The following GMEB1 variants were observed in gnomAD, a reference collection of about 807,000 sequenced individuals.
GMEB1 encodes the protein glucocorticoid modulatory element binding protein 1, also known as glucocorticoid modulatory element-binding protein 1.
GMEB1 carries 6 observed loss-of-function variants against 52.4 expected under a neutral mutation model. That is an observed-to-expected ratio of 0.11 (90% CI 0.06 to 0.23). GMEB1 has a LOEUF of 0.23. Ranked by LOEUF, GMEB1 falls within the 10% of genes least tolerant of loss-of-function variation. The pLI is 1.00. For missense variants in GMEB1, 486 were observed against 685.6 expected, an observed-to-expected ratio of 0.71 and a Z score of 3.25; for synonymous variants, 255 against 244.9, an observed-to-expected ratio of 1.04 and a Z score of -0.38.
chr1:28,678,656 T>A (rs1669261848), intron 1 of GMEB1, among the ~76,000 whole-genome samples: 1 of 152,088 alleles, frequency 6.6e-6, no homozygotes, highest in South Asian at 2.1e-4. Flanking sequence ...TCTTGCTTTG[T>A]CACCTAAGCT....
chr1:28,673,939 A>T (rs1301166010), intron 1 of GMEB1, among the ~76,000 whole-genome samples: 1 of 152,066 alleles, frequency 6.6e-6, no homozygotes, highest in East Asian at 1.9e-4. Flanking sequence ...CGAGGTCAGG[A>T]GTTCAAGACC....
At position 28,683,671 on chromosome 1, in the gene GMEB1, G is replaced by A; in HGVS notation, c.59G>A (p.Gly20Glu). The A allele has an allele frequency of 6.2e-7, 1 of 1,611,908 alleles. No homozygotes were observed. The change falls in exon 2 of 10, where the codon GGA becomes GAA. Residue 20 changes from glycine (G) to glutamate (E), a missense_variant. Gly to Glu is a moderately conservative substitution (Grantham distance 98). Around this residue, in one of 5 missense-constraint regions of GMEB1, gnomAD observed 88 missense variants for 96.5 expected, o/e 0.91. Transcript: ENST00000373816. Reference sequence around the variant, plus strand: ...GATGTGGTTGTGGTACCTACTGAAGGAAATGAAGGGGAGAATCCTGAAGAC... The same window carrying A: ...GATGTGGTTGTGGTACCTACTGAAGAAAATGAAGGGGAGAATCCTGAAGAC... ...VGDVVVVPTE[G>E]NEGENPEDTK...
At chr1:28,701,400 G>C (rs1670506366) in intron 6 of GMEB1, among the ~76,000 whole-genome samples, 1 of 150,792 alleles carries the variant, frequency 6.6e-6, no homozygotes, top group Non-Finnish European at 1.5e-5. Flanking sequence ...CTCCTGAGTA[G>C]CTGGGACTAC....
chr1:28,717,738 A>C lies in GMEB1; in HGVS notation c.*2965A>C, dbSNP rs745905952. ...AGACTGAATCTACTTGAATCTAGGA[A>C]GGCACATCTCATCCCTATTGTGGTT... On this transcript the variant is annotated 3_prime_UTR_variant, in exon 10 of 10. Transcript: ENST00000373816. The C allele has an allele frequency of 5.9e-5, 9 of 152,154 alleles. No individual in the cohort carries two copies. The highest frequency in any genetic ancestry group is 1.3e-4 in the Non-Finnish European group (9 of 68,028). 9.4% of individuals were successfully genotyped at this position (152,154 alleles called of 1,614,324 possible). A position where few individuals can be genotyped will look rare whatever the true frequency, so the allele number is the denominator to read the frequency against.
Position 28,714,684 on chromosome 1 carries a change from G to C in GMEB1, c.1603G>C (p.Glu535Gln), listed in dbSNP as rs759246525. 6.2e-7 allele frequency: 1 copy of C among 1,614,170 alleles called. No individual in the cohort carries two copies. The highest frequency in any genetic ancestry group is 8.5e-7 in the Non-Finnish European group (1 of 1,180,006). ...TEGKAVILET[E>Q]LRTEEKVVAE... ...GGGCAAAGCAGTCATCTTGGAGACA[G>C]AGCTGAGGACTGAGGAGAAAGTTGT... Residue 535 changes from glutamate (E) to glutamine (Q), a missense_variant, in exon 10 of 10, where the codon GAG becomes CAG. Glu to Gln is a conservative substitution (Grantham distance 29, BLOSUM62 2). Coordinates refer to ENST00000373816, the MANE Select transcript of GMEB1 (RefSeq NM_001319674.2).
chr1:28,702,930 C>A (rs1670584663), intron 7 of GMEB1, among the ~76,000 whole-genome samples: 1 of 152,082 alleles, frequency 6.6e-6, no homozygotes, highest in African/African-American at 2.4e-5. Context: ...TAGCAGGCGC[C>A]TGTAGTCCCA....
intron 6 of GMEB1, among the ~76,000 whole-genome samples, chr1:28,697,451 G>A (rs374286696): frequency 2.0e-5 from 3 of 151,806 alleles, no homozygotes; most frequent in South Asian, 4.2e-4. Context: ...CAGGTGATCC[G>A]CCCACCTCGG....
At position 28,704,334 on chromosome 1, in the gene GMEB1, G is replaced by C; in HGVS notation, c.868+5G>C. 6.2e-7 allele frequency: 1 copy of C among 1,610,554 alleles called. No individual in the cohort carries two copies. On this transcript the variant is annotated splice_donor_5th_base_variant and intron_variant, in intron 8 of 9. Coordinates refer to ENST00000373816, the MANE Select transcript of GMEB1 (RefSeq NM_001319674.2). The stretch of plus-strand genomic sequence containing the variant: ...AGGCTCCCTTCCAAGTCACAGGTAA[G>C]TGCACTAATCCTAACAGTAGCAGTG...
Position 28,704,057 on chromosome 1 carries a change from T to A in GMEB1, c.731-135T>A, listed in dbSNP as rs142889397. On this transcript the variant is annotated intron_variant, in intron 7 of 9. Coordinates refer to ENST00000373816, the MANE Select transcript of GMEB1 (RefSeq NM_001319674.2). Reference sequence around the variant, plus strand: ...GAAGCATCTAGTATTCCAAAGCTTATTCCCTTTTTTCAGGAATGGCCCAAT... The same window carrying A: ...GAAGCATCTAGTATTCCAAAGCTTAATCCCTTTTTTCAGGAATGGCCCAAT... 4.0e-4 allele frequency: 324 copies of A among 801,614 alleles called. 2 individuals are homozygous for A. The African/African-American group carries it at 5.0e-3, about 12-fold the overall frequency. The allele number at this position is 801,614 out of a possible 1,614,324, so 49.7% of individuals were successfully genotyped here. A position where few individuals can be genotyped will look rare whatever the true frequency, so the allele number is the denominator to read the frequency against.
At chr1:28,693,883 A>G (rs970736057) in intron 5 of GMEB1, among the ~76,000 whole-genome samples, 2 of 152,138 alleles carry the variant, frequency 1.3e-5, no homozygotes, top group Non-Finnish European at 2.9e-5. Flanking sequence ...TAGAGATTCA[A>G]GCATAAAGAT....
Position 28,714,699 on chromosome 1 carries a change from G to T in GMEB1, c.1618G>T (p.Glu540Ter). 2 of 1,614,186 alleles carry T rather than the reference G, an allele frequency of 1.2e-6. No homozygotes were observed. Among genetic ancestry groups the T allele is most frequent in the Non-Finnish European group, 8.5e-7 (1 of 1,180,030 alleles). ...VILETELRTE[E>*]KVVAEMEEHQ... Reference sequence around the variant, plus strand: ...CTTGGAGACAGAGCTGAGGACTGAGGAGAAAGTTGTGGCTGAGATGGAAGA... The same window carrying T: ...CTTGGAGACAGAGCTGAGGACTGAGTAGAAAGTTGTGGCTGAGATGGAAGA... Residue 540 changes from glutamate (E) to a stop codon, truncating the protein, a stop_gained, in exon 10 of 10, where the codon GAG becomes TAG. Coordinates refer to ENST00000373816, the MANE Select transcript of GMEB1 (RefSeq NM_001319674.2). LOFTEE classifies it high-confidence loss of function.
At chr1:28,668,895 C>CGGGCGCGGGGG (rs1399835118) in intron 1 of GMEB1, 56 bp downstream of exon 1, 5 of 102,544 alleles carry the variant, frequency 4.9e-5, no homozygotes, top group Admixed American at 4.2e-4. Flanking sequence ...GGCGGGGGGG[C>CGGGCGCGGGGG]GGGCGCGGGG....
intron 1 of GMEB1, among the ~76,000 whole-genome samples, chr1:28,680,123 G>T (rs1466214917): frequency 6.6e-6 from 1 of 151,480 alleles, no homozygotes; most frequent in Non-Finnish European, 1.5e-5. Flanking sequence ...GCTCACACTT[G>T]TAATCACAAC....
intron 5 of GMEB1, among the ~76,000 whole-genome samples, chr1:28,694,732 C>T (rs1423895286): frequency 6.6e-5 from 10 of 151,310 alleles, no homozygotes; most frequent in Non-Finnish European, 1.0e-4. Flanking sequence ...GGCACGATCT[C>T]AGCTCACTGC....
At chr1:28,689,815 GA>G in intron 2 of GMEB1, 1 of 251,536 alleles carries the variant, frequency 4.0e-6, no homozygotes, top group Non-Finnish European at 7.5e-6. Flanking sequence ...GTTATGAAGG[GA>G]AAAGTCTGGT....
At chr1:28,691,528 A>G in intron 3 of GMEB1, 57 bp from the exon 4 acceptor site, 1 of 1,336,894 alleles carries the variant, frequency 7.5e-7, no homozygotes, top group South Asian at 1.5e-5. Context: ...GAGATTTTGA[A>G]TTTCAGCTTT....
intron 7 of GMEB1, 75 bp downstream of exon 7, chr1:28,702,644 G>A: frequency 1.5e-6 from 2 of 1,357,222 alleles, no homozygotes; most frequent in South Asian, 2.5e-5. Flanking sequence ...GGACACGGAA[G>A]ACCTCTTAAT....
At chr1:28,695,850 A>G (rs1670176662) in intron 5 of GMEB1, among the ~76,000 whole-genome samples, 2 of 132,708 alleles carry the variant, frequency 1.5e-5, no homozygotes, top group Non-Finnish European at 3.2e-5. Flanking sequence ...GAGGCAGGAG[A>G]ATGGCGTGAA....
chr1:28,680,452 C>T (rs1013508896), intron 1 of GMEB1, among the ~76,000 whole-genome samples: 1 of 151,836 alleles, frequency 6.6e-6, no homozygotes, highest in African/African-American at 2.4e-5. Flanking sequence ...GAAAAGCAAT[C>T]CTGGCCAGGC....
Sources: allele counts gnomAD v4.1 joint callset (sites outside exome capture counted in the v4.1 genomes callset), GRCh38; gene constraint gnomAD v4.1.1; regional missense constraint gnomAD v4.1.1; transcripts MANE v1.5; gene names NCBI Gene and HGNC (gene_info 2026-07-23, HGNC 2026-07-21).